FOLH1: variants seen among roughly 807,000 people sequenced by gnomAD.
The protein encoded by FOLH1 is glutamate carboxypeptidase 2.
In FOLH1, 54 loss-of-function variants were observed where a neutral mutation model predicts 93.9. The observed-to-expected ratio is 0.57, with a 90% CI of 0.46 to 0.72. The LOEUF (loss-of-function observed/expected upper bound fraction) is 0.72. FOLH1 is among the 30% of genes least tolerant of loss of function. The pLI is 0.00. For synonymous variants in FOLH1, 249 were observed against 303.6 expected (o/e 0.82, Z 1.87); for missense variants, 571 against 892.5 (o/e 0.64, Z 4.59).
intron 3 of FOLH1, among the ~76,000 whole-genome samples, chr11:49,198,256 T>C (rs1590680584): frequency 7.0e-6 from 1 of 142,386 alleles, no homozygotes; most frequent in East Asian, 2.0e-4. Context: ...CCGAGGCGGG[T>C]GGATAACGAG....
At chr11:49,152,147 T>C (rs1490142265) in intron 17 of FOLH1, among the ~76,000 whole-genome samples, 1 of 152,146 alleles carries the variant, frequency 6.6e-6, no homozygotes, top group Non-Finnish European at 1.5e-5. Flanking sequence ...AATGTTCAAA[T>C]TGGTGAATAT....
intron 7 of FOLH1, among the ~76,000 whole-genome samples, chr11:49,180,939 T>C (rs908452397): frequency 1.3e-5 from 2 of 152,146 alleles, no homozygotes; most frequent in Admixed American, 1.3e-4. Flanking sequence ...ATTGTGTTTG[T>C]TATTTTTCAA....
chr11:49,204,942 G>A (rs1159997193), intron 2 of FOLH1, among the ~76,000 whole-genome samples: 2 of 152,096 alleles, frequency 1.3e-5, no homozygotes, highest in Non-Finnish European at 2.9e-5. Context: ...TGGGTGTGGG[G>A]GCTCACACCG....
Position 49,189,998 on chromosome 11 carries a change from C to G in FOLH1, c.513+2795G>C, listed in dbSNP as rs182418713. 4.0e-3 allele frequency among the ~76,000 whole-genome samples: 607 copies of G among 152,248 alleles called. 2 individuals are homozygous for G. Among genetic ancestry groups the G allele is most frequent in the Admixed American group, 7.6e-3 (116 of 15,300 alleles). On this transcript the variant is annotated intron_variant, in intron 4 of 18. Transcript: ENST00000256999. ...TCCTAAGACCAATGTAATATTAATGCACTATTAATCATAACACTATATGTC... is the reference window on the plus strand; with the variant it reads ...TCCTAAGACCAATGTAATATTAATGGACTATTAATCATAACACTATATGTC...
Position 49,185,777 on chromosome 11 carries a change from T to C in FOLH1, c.718A>G (p.Lys240Glu), listed in dbSNP as rs751741752. Residue 240 changes from lysine (K) to glutamate (E), a missense_variant, in exon 6 of 19, where the codon AAG becomes GAG. By Grantham distance (56) the Lys-to-Glu change is moderately conservative (BLOSUM62 1). Coordinates refer to ENST00000256999, the MANE Select transcript of FOLH1 (RefSeq NM_004476.3). The stretch of plus-strand genomic sequence containing the variant: ...AGATTCCAACCATCTGGATAGGACT[T>C]CACCCCAGGAGCAAAGTAGTCAGCA... Reference protein sequence around the residue: ...DPADYFAPGVKSYPDGWNLPG... With the variant: ...DPADYFAPGVESYPDGWNLPG... 6.2e-7 allele frequency: 1 copy of C among 1,610,128 alleles called. No individual in the cohort carries two copies. Among genetic ancestry groups the C allele is most frequent in the South Asian group, 1.1e-5 (1 of 90,134 alleles).
chr11:49,183,048 G>C, intron 7 of FOLH1, 101 bp downstream of exon 7: 1 of 1,002,760 alleles, frequency 1.0e-6, no homozygotes, highest in East Asian at 2.5e-5. Context: ...ACCCATGTTG[G>C]AAAATTTAAG....
At chr11:49,178,404 T>C (rs1405650310) in intron 7 of FOLH1, among the ~76,000 whole-genome samples, 3 of 152,222 alleles carry the variant, frequency 2.0e-5, no homozygotes, top group Non-Finnish European at 4.4e-5. Context: ...ACTTTGTAAA[T>C]GTATTTCCTT....
chr11:49,168,371 A>C lies in FOLH1; in HGVS notation c.1372+824T>G, dbSNP rs1182457344. Among the ~76,000 whole-genome samples, 15 of 152,272 alleles carry C rather than the reference A, an allele frequency of 9.9e-5. No homozygotes were observed. The East Asian group carries it at 2.9e-3, about 29-fold the overall frequency. The stretch of plus-strand genomic sequence containing the variant: ...AGATATATTAGTGGAGCTGGATTGT[A>C]GTGAAAATGGACTCTTTCATTTTCA... On this transcript the variant is annotated intron_variant, in intron 12 of 18. Coordinates refer to ENST00000256999, the MANE Select transcript of FOLH1 (RefSeq NM_004476.3).
chr11:49,172,998 G>A (rs905435805), intron 10 of FOLH1, among the ~76,000 whole-genome samples: 3 of 152,090 alleles, frequency 2.0e-5, no homozygotes, highest in African/African-American at 4.8e-5. Context: ...TAGAAGAGAC[G>A]GAGGAACGTC....
intron 15 of FOLH1, 92 bp from the exon 16 acceptor site, chr11:49,154,584 C>A (rs1856811995): frequency 6.5e-7 from 1 of 1,528,096 alleles, no homozygotes; most frequent in South Asian, 1.3e-5. Context: ...TAAGATTGGT[C>A]AGTGATGGAT....
chr11:49,206,713 G>C, intron 1 of FOLH1: 1 of 1,490,726 alleles, frequency 6.7e-7, no homozygotes, highest in East Asian at 2.5e-5. Context: ...GTGAGAGTTT[G>C]CGTTTCCAGT....
At chr11:49,167,449 A>G (rs958039960) in intron 12 of FOLH1, among the ~76,000 whole-genome samples, 12 of 152,192 alleles carry the variant, frequency 7.9e-5, no homozygotes, top group African/African-American at 2.9e-4. Context: ...CCCTAAGAGA[A>G]GGAGAAAAGA....
chr11:49,203,522 G>T (rs1863505294), intron 2 of FOLH1, among the ~76,000 whole-genome samples: 1 of 152,190 alleles, frequency 6.6e-6, no homozygotes, highest in South Asian at 2.1e-4. Flanking sequence ...GCTCTCTGAT[G>T]GACAAATGGC....
At chr11:49,189,395 G>C (rs1390417413) in intron 4 of FOLH1, among the ~76,000 whole-genome samples, 1 of 152,130 alleles carries the variant, frequency 6.6e-6, no homozygotes, top group Admixed American at 6.5e-5. Flanking sequence ...AAATAGAATT[G>C]TTTCCAAGCT....
intron 2 of FOLH1, among the ~76,000 whole-genome samples, chr11:49,202,081 T>A (rs2135324696): frequency 6.6e-6 from 1 of 152,338 alleles, no homozygotes; most frequent in South Asian, 2.1e-4. Context: ...CGTGGTATAA[T>A]ACAGGTGTTG....
chr11:49,179,002 A>G (rs1265015536), intron 7 of FOLH1, among the ~76,000 whole-genome samples: 1 of 152,234 alleles, frequency 6.6e-6, no homozygotes, highest in Admixed American at 6.5e-5. Flanking sequence ...ATACATATAA[A>G]ACCAATCATA....
chr11:49,200,358 A>G lies in FOLH1; in HGVS notation c.308T>C (p.Phe103Ser). 6.2e-7 allele frequency: 1 copy of G among 1,613,602 alleles called. No homozygotes were observed. The highest frequency in any genetic ancestry group is 1.1e-5 in the South Asian group (1 of 91,052). ...AKQIQSQWKE[F>S]GLDSVELAHY... ...TGCTAGCTCAACAGAATCCAGGCCA[A>G]ATTCTTTCCACTGGGATTGAATTTG... Residue 103 changes from phenylalanine (F) to serine (S), a missense_variant, in exon 3 of 19, where the codon TTT (phenylalanine) becomes TCT (serine). By Grantham distance (155) the Phe-to-Ser change is radical. Coordinates refer to ENST00000256999, the MANE Select transcript of FOLH1 (RefSeq NM_004476.3).
intron 4 of FOLH1, among the ~76,000 whole-genome samples, chr11:49,187,869 G>C (rs1441020475): frequency 6.6e-6 from 1 of 152,096 alleles, no homozygotes; most frequent in Non-Finnish European, 1.5e-5. Context: ...TTGATGTGAG[G>C]GTACAGAGAC....
At chr11:49,155,565 AT>A (rs1382608116) in intron 15 of FOLH1, 7 of 238,710 alleles carry the variant, frequency 2.9e-5, no homozygotes, top group Non-Finnish European at 5.9e-5. Flanking sequence ...ATTTTTCTTT[AT>A]AACATAAAAT....
Sources: gnomAD v4.1 joint callset for allele counts (sites outside exome capture counted in the v4.1 genomes callset) on GRCh38, gnomAD v4.1.1 for gene constraint, MANE v1.5 for transcripts, NCBI Gene and HGNC (gene_info 2026-07-23, HGNC 2026-07-21) for gene names.